Variants in SBF2 observed in about 807,000 individuals in gnomAD.
SBF2 encodes myotubularin-related protein 13.
In SBF2, 112 loss-of-function variants were observed where a neutral mutation model predicts 225.2. The ratio of observed to expected loss-of-function variants is 0.50; its 90% confidence interval spans 0.43 to 0.58. The LOEUF is 0.58. SBF2 is among the 20% of genes least tolerant of loss of function. SBF2 has a pLI of 0.00. For missense variants in SBF2, 1,996 were observed against 2,206.2 expected, an observed-to-expected ratio of 0.90 and a Z score of 1.91; for synonymous variants, 763 against 773.3, an observed-to-expected ratio of 0.99 and a Z score of 0.22.
chr11:10,273,684 T>C (rs537278211), intron 1 of SBF2, among the ~76,000 whole-genome samples: 6 of 152,356 alleles, frequency 3.9e-5, no homozygotes, highest in Non-Finnish European at 8.8e-5. Flanking sequence ...AATTATAATG[T>C]AGCAGACCAG....
intron 33 of SBF2, among the ~76,000 whole-genome samples, chr11:9,793,553 C>G (rs1185906988): frequency 1.3e-5 from 2 of 152,168 alleles, no homozygotes; most frequent in Non-Finnish European, 2.9e-5. Context: ...CCACGCCTGG[C>G]TAATGTTTGT....
At chr11:9,786,298 T>C (rs960518701) in intron 36 of SBF2, among the ~76,000 whole-genome samples, 1 of 152,210 alleles carries the variant, frequency 6.6e-6, no homozygotes, top group Non-Finnish European at 1.5e-5. Flanking sequence ...GATAGCATAG[T>C]GGTTTACTTC....
chr11:10,237,163 A>G (rs1036636054), intron 1 of SBF2, among the ~76,000 whole-genome samples: 29 of 152,182 alleles, frequency 1.9e-4, no homozygotes, highest in Non-Finnish European at 3.8e-4. Context: ...CCTGGCCAAC[A>G]TGACAAAACC....
intron 16 of SBF2, chr11:9,928,758 A>C (rs1864253506): frequency 5.3e-6 from 1 of 187,222 alleles, no homozygotes; most frequent in South Asian, 1.0e-4. Flanking sequence ...CATTGTTGGA[A>C]TCTGCCGTTT....
intron 2 of SBF2, among the ~76,000 whole-genome samples, chr11:10,061,817 T>C (rs1950457508): frequency 6.6e-6 from 1 of 152,186 alleles, no homozygotes; most frequent in Non-Finnish European, 1.5e-5. Context: ...ACCAATGACA[T>C]TCTTCACAGG....
chr11:10,223,799 A>G (rs1591251834), intron 1 of SBF2, among the ~76,000 whole-genome samples: 1 of 152,082 alleles, frequency 6.6e-6, no homozygotes, highest in East Asian at 1.9e-4. Context: ...TACTGGAGAG[A>G]TAAACTGTTC....
chr11:10,091,444 C>T (rs1208094588), intron 2 of SBF2, among the ~76,000 whole-genome samples: 1 of 152,176 alleles, frequency 6.6e-6, no homozygotes. Context: ...TATACACCAG[C>T]TTGTCACCAT....
At chr11:10,074,693 C>T (rs7119000) in intron 2 of SBF2, among the ~76,000 whole-genome samples, 70,279 of 151,944 alleles carry the variant, frequency 0.46, 16,645 homozygotes, top group Admixed American at 0.56. Context: ...CTAGGGAGAA[C>T]AGAGAAAATT....
At chr11:9,891,537 C>G (rs965826817) in intron 17 of SBF2, among the ~76,000 whole-genome samples, 15 of 152,148 alleles carry the variant, frequency 9.9e-5, no homozygotes, top group Middle Eastern at 6.3e-3. Context: ...TACTCTGAAA[C>G]AGATATAAGC....
At chr11:10,158,745 C>T (rs916311267) in intron 2 of SBF2, among the ~76,000 whole-genome samples, 1 of 152,124 alleles carries the variant, frequency 6.6e-6, no homozygotes, top group African/African-American at 2.4e-5. Context: ...TGAATACAGA[C>T]TCAAAAATAT....
chr11:9,937,926 T>C (rs1346681512), intron 16 of SBF2, among the ~76,000 whole-genome samples: 3 of 152,102 alleles, frequency 2.0e-5, no homozygotes, highest in Admixed American at 6.6e-5. Flanking sequence ...TAAGAAAACC[T>C]TAAAAGCTAC....
intron 2 of SBF2, among the ~76,000 whole-genome samples, chr11:10,055,358 A>G (rs914659419): frequency 2.0e-5 from 3 of 152,216 alleles, no homozygotes; most frequent in African/African-American, 4.8e-5. Context: ...TAGATCTACC[A>G]TTTGATCCAG....
At chr11:9,922,931 T>C (rs533405660) in intron 16 of SBF2, among the ~76,000 whole-genome samples, 2 of 152,300 alleles carry the variant, frequency 1.3e-5, no homozygotes, top group South Asian at 2.1e-4. Flanking sequence ...CAACAGTCAA[T>C]CTACAACCCA....
At position 9,963,902 on chromosome 11, in the gene SBF2, A is replaced by G. The variant is rs200518136; in HGVS notation, c.1601-20T>C. 9.4e-5 allele frequency: 127 copies of G among 1,346,280 alleles called. 1 individual carries two copies. In the East Asian group the frequency reaches 2.7e-3, roughly 29 times the overall value. The allele number at this position is 1,346,280 out of a possible 1,614,324, so 83.4% of individuals were successfully genotyped here. On this transcript the variant is annotated intron_variant, in intron 14 of 39. Transcript: ENST00000256190. ...TCGAAACTAGTAAAAGAATATAAAGAAAGCACAAATAAATTAAACTTCTTT... is the reference window on the plus strand; with the variant it reads ...TCGAAACTAGTAAAAGAATATAAAGGAAGCACAAATAAATTAAACTTCTTT...
At chr11:9,892,315 C>T (rs192189717) in intron 17 of SBF2, among the ~76,000 whole-genome samples, 3,208 of 151,904 alleles carry the variant, frequency 0.021, 57 homozygotes, top group Non-Finnish European at 0.031. Context: ...GATGGGGTTT[C>T]ACCATGTTGG....
chr11:10,027,848 A>C (rs547273079), intron 6 of SBF2, among the ~76,000 whole-genome samples: 9 of 152,232 alleles, frequency 5.9e-5, no homozygotes, highest in Non-Finnish European at 1.2e-4. Context: ...TGAGACTCAG[A>C]GTCCCATCTG....
chr11:9,880,106 AAAAAAG>A lies in SBF2; in HGVS notation c.1929+15831_1929+15836del, dbSNP rs1859629955. Among the ~76,000 whole-genome samples, 11 of 124,398 alleles carry A rather than the reference AAAAAAG, an allele frequency of 8.8e-5. 1 individual carries two copies. In the South Asian group the frequency reaches 3.0e-3, roughly 34 times the overall value. The allele number at this position is 124,398 out of a possible 152,430, so 81.6% of individuals were successfully genotyped here. A position where few individuals can be genotyped will look rare whatever the true frequency, so the allele number is the denominator to read the frequency against. The stretch of plus-strand genomic sequence containing the variant: ...TCATAAAAAAAAAAAAAAAAAAAAA[AAAAAAG>A]ATCTCAGGATGAGCCAAGATTCAAA... On this transcript the variant is annotated intron_variant, in intron 17 of 39. Coordinates refer to ENST00000256190, the MANE Select transcript of SBF2 (RefSeq NM_030962.4).
chr11:9,938,468 A>C (rs1456220428), intron 16 of SBF2, among the ~76,000 whole-genome samples: 6 of 150,986 alleles, frequency 4.0e-5, no homozygotes, highest in African/African-American at 1.5e-4. Context: ...CTTAAAAAGT[A>C]CAAAAAAAAA....
intron 38 of SBF2, 53 bp downstream of exon 38, chr11:9,784,298 G>A: frequency 3.8e-6 from 5 of 1,313,608 alleles, no homozygotes; most frequent in South Asian, 1.2e-5. Context: ...TAATAGCCAG[G>A]GACTGGGACT....
Sources: allele counts gnomAD v4.1 joint callset (sites outside exome capture counted in the v4.1 genomes callset), GRCh38; gene constraint gnomAD v4.1.1; transcripts MANE v1.5; gene names NCBI Gene and HGNC (gene_info 2026-07-23, HGNC 2026-07-21).